The following ROR2 variants were observed in gnomAD, a reference collection of about 807,000 sequenced individuals.
ROR2 encodes tyrosine-protein kinase transmembrane receptor ROR2.
A neutral mutation model predicts 74.9 loss-of-function variants in ROR2; 33 were observed. That is an observed-to-expected ratio of 0.44 (90% CI 0.33 to 0.59). The LOEUF (loss-of-function observed/expected upper bound fraction) is 0.59, where lower values mean the gene tolerates loss of function less well. Ranked by LOEUF, ROR2 falls within the 20% of genes least tolerant of loss-of-function variation. The pLI is 0.02. For synonymous variants in ROR2, 586 were observed against 558.7 expected, an observed-to-expected ratio of 1.05 and a Z score of -0.69; for missense variants, 1,216 against 1,313.8, an observed-to-expected ratio of 0.93 and a Z score of 1.15.
chr9:91,920,107 T>C (rs1348474445), intron 1 of ROR2, among the ~76,000 whole-genome samples: 2 of 152,152 alleles, frequency 1.3e-5, no homozygotes, highest in Non-Finnish European at 2.9e-5. Context: ...TTGAGTAACA[T>C]AAAAAATTAT....
intron 1 of ROR2, among the ~76,000 whole-genome samples, chr9:91,876,541 A>G (rs1829960622): frequency 6.6e-6 from 1 of 152,190 alleles, no homozygotes; most frequent in Non-Finnish European, 1.5e-5. Flanking sequence ...AGAATTAACC[A>G]AGAATAACCA....
chr9:91,840,263 G>A (rs946987651), intron 1 of ROR2, among the ~76,000 whole-genome samples: 9 of 152,246 alleles, frequency 5.9e-5, no homozygotes, highest in South Asian at 2.1e-4. Flanking sequence ...ACAACGGCCC[G>A]GGATAACGTT....
chr9:91,913,673 C>G (rs1037764865), intron 1 of ROR2, among the ~76,000 whole-genome samples: 5 of 152,240 alleles, frequency 3.3e-5, no homozygotes, highest in South Asian at 2.1e-4. Flanking sequence ...CCCAAATCCT[C>G]CTCTGTTCCG....
chr9:91,948,807 G>T, intron 1 of ROR2: 1 of 985,486 alleles, frequency 1.0e-6, no homozygotes, highest in Non-Finnish European at 1.2e-6. Context: ...AACCCCATAG[G>T]TCTCTGGCGC....
chr9:91,839,557 G>A (rs1038172842), intron 1 of ROR2, among the ~76,000 whole-genome samples: 2 of 151,754 alleles, frequency 1.3e-5, no homozygotes, highest in Admixed American at 6.6e-5. Flanking sequence ...TGGTGTGTCT[G>A]GTATATGAAT....
chr9:91,849,351 TG>T (rs1563997898), intron 1 of ROR2, among the ~76,000 whole-genome samples: 1 of 152,214 alleles, frequency 6.6e-6, no homozygotes, highest in Non-Finnish European at 1.5e-5. Context: ...AACTGCCACA[TG>T]GAAAATATCT....
intron 1 of ROR2, among the ~76,000 whole-genome samples, chr9:91,936,985 C>G (rs995203792): frequency 1.4e-5 from 2 of 139,762 alleles, no homozygotes; most frequent in African/African-American, 2.8e-5. Flanking sequence ...AGCCGAGATC[C>G]CGCCACTGCA....
At chr9:91,820,195 C>T (rs773644467) in intron 1 of ROR2, among the ~76,000 whole-genome samples, 3 of 152,182 alleles carry the variant, frequency 2.0e-5, no homozygotes, top group Non-Finnish European at 4.4e-5. Context: ...AAATGCACTG[C>T]CCCCACCTCA....
intron 1 of ROR2, among the ~76,000 whole-genome samples, chr9:91,817,341 G>A (rs1396385655): frequency 6.6e-6 from 1 of 152,208 alleles, no homozygotes; most frequent in African/African-American, 2.4e-5. Flanking sequence ...GGGGTCCAGG[G>A]CTCCTGGTAA....
chr9:91,932,493 C>T (rs933828950), intron 1 of ROR2, among the ~76,000 whole-genome samples: 21 of 142,500 alleles, frequency 1.5e-4, no homozygotes, highest in Non-Finnish European at 2.6e-4. Flanking sequence ...TCCGTCTCTA[C>T]TAAAAATACA....
chr9:91,819,401 G>C (rs143938108), intron 1 of ROR2, among the ~76,000 whole-genome samples: 1 of 152,128 alleles, frequency 6.6e-6, no homozygotes, highest in Non-Finnish European at 1.5e-5. Context: ...ACGTGTCTAC[G>C]TGTGTGTCTT....
At chr9:91,732,623 TCATC>T (rs1837285886) in intron 6 of ROR2, among the ~76,000 whole-genome samples, 1 of 152,188 alleles carries the variant, frequency 6.6e-6, no homozygotes, top group Non-Finnish European at 1.5e-5. Flanking sequence ...GGCCTCACAT[TCATC>T]CAAGGCTAAG....
At chr9:91,903,406 G>GC (rs1007539009) in intron 1 of ROR2, among the ~76,000 whole-genome samples, 19 of 151,988 alleles carry the variant, frequency 1.3e-4, no homozygotes, top group Non-Finnish European at 4.4e-5. Context: ...TACAACACAA[G>GC]CCCCCAAAAT....
chr9:91,912,645 T>C (rs10992158), intron 1 of ROR2, among the ~76,000 whole-genome samples: 35,963 of 152,152 alleles, frequency 0.24, 4,897 homozygotes, highest in Admixed American at 0.42. Flanking sequence ...CTTAAGTGTT[T>C]TGGGAAAAAA....
In ROR2 at chr9:91,878,267, G is replaced by A. The variant is rs530254447; in HGVS notation, c.97+71600C>T. Among the ~76,000 whole-genome samples the A allele has an allele frequency of 2.6e-5, 4 of 152,258 alleles. No individual in the cohort carries two copies. In the East Asian group the frequency reaches 5.8e-4, roughly 22 times the overall value. ...TTTTGCCTCAACAGATCAAAATTGC[G>A]CCCTCCCTTTCCTGGGCTTCAGGGT... On this transcript the variant is annotated intron_variant, in intron 1 of 8. Coordinates refer to ENST00000375708, the MANE Select transcript of ROR2 (RefSeq NM_004560.4).
chr9:91,748,411 G>A (rs1166528810), intron 4 of ROR2, among the ~76,000 whole-genome samples: 1 of 152,138 alleles, frequency 6.6e-6, no homozygotes, highest in Non-Finnish European at 1.5e-5. Flanking sequence ...AAAACATCGT[G>A]TTGTACACTG....
chr9:91,882,266 C>T (rs902278321), intron 1 of ROR2, among the ~76,000 whole-genome samples: 8 of 151,916 alleles, frequency 5.3e-5, no homozygotes, highest in Non-Finnish European at 1.2e-4. Flanking sequence ...AAAAAATTAC[C>T]CAGGCATGGT....
intron 1 of ROR2, among the ~76,000 whole-genome samples, chr9:91,879,928 G>A (rs1830059416): frequency 6.6e-6 from 1 of 151,932 alleles, no homozygotes; most frequent in South Asian, 2.1e-4. Flanking sequence ...GAAATGTTAA[G>A]GAGGTCAATA....
chr9:91,891,624 G>C (rs2119398740), intron 1 of ROR2, among the ~76,000 whole-genome samples: 1 of 152,322 alleles, frequency 6.6e-6, no homozygotes, highest in African/African-American at 2.4e-5. Context: ...GGTTCATTCA[G>C]GTTGTTGTCC....
Sources: gnomAD v4.1 joint callset for allele counts (sites outside exome capture counted in the v4.1 genomes callset) on GRCh38, gnomAD v4.1.1 for gene constraint, MANE v1.5 for transcripts, NCBI Gene and HGNC (gene_info 2026-07-23, HGNC 2026-07-21) for gene names.